Variants in LEPR observed in about 807,000 individuals in gnomAD.
LEPR encodes the protein leptin receptor.
LEPR carries 56 observed loss-of-function variants against 114.7 expected under a neutral mutation model. The ratio of observed to expected loss-of-function variants is 0.49; its 90% confidence interval spans 0.39 to 0.61. The LOEUF (loss-of-function observed/expected upper bound fraction) is 0.61, where lower values mean the gene tolerates loss of function less well. Ranked by LOEUF, LEPR falls within the 20% of genes least tolerant of loss-of-function variation. The probability of loss-of-function intolerance (pLI) is 0.00; values close to 1 mark genes in which losing one functional copy is unlikely to be tolerated. For synonymous variants in LEPR, 443 were observed against 461.4 expected, an observed-to-expected ratio of 0.96 and a Z score of 0.51; for missense variants, 1,202 against 1,352.9, an observed-to-expected ratio of 0.89 and a Z score of 1.75.
At chr1:65,622,075 G>A (rs1422838368) in intron 18 of LEPR, among the ~76,000 whole-genome samples, 2 of 152,092 alleles carry the variant, frequency 1.3e-5, no homozygotes, top group East Asian at 1.9e-4. Context: ...TTAATATGAG[G>A]TGCTTGTCCA....
chr1:65,431,840 A>G (rs1324062719), intron 2 of LEPR: 4 of 1,613,922 alleles, frequency 2.5e-6, no homozygotes, highest in African/African-American at 2.7e-5. Flanking sequence ...TTGGCAGGCA[A>G]TGCAGTCATT....
At chr1:65,569,949 CCAT>C (rs36085219) in intron 3 of LEPR, among the ~76,000 whole-genome samples, 31,600 of 151,728 alleles carry the variant, frequency 0.21, 3,518 homozygotes, top group South Asian at 0.29. Flanking sequence ...GATCATCAAG[CCAT>C]CATCATGTTG....
chr1:65,483,720 A>C (rs1647332582), intron 2 of LEPR, among the ~76,000 whole-genome samples: 1 of 152,060 alleles, frequency 6.6e-6, no homozygotes. Flanking sequence ...TATATTTGCC[A>C]TTCCCTCTTA....
intron 2 of LEPR, among the ~76,000 whole-genome samples, chr1:65,456,765 C>T (rs906462486): frequency 1.3e-5 from 2 of 152,190 alleles, no homozygotes; most frequent in Non-Finnish European, 2.9e-5. Context: ...CTCCAACAGT[C>T]TCTGTCTTTG....
In LEPR at chr1:65,480,180, T is replaced by G. The variant is rs527346148; in HGVS notation, c.-21+54802T>G. On this transcript the variant is annotated intron_variant, in intron 2 of 19. Coordinates refer to ENST00000349533, the MANE Select transcript of LEPR (RefSeq NM_002303.6). ...GAAAACCTGGAGCTTTAATAGGTCTTGCCTTGTTCAAGAAGTAGAGAAGAA... is the reference window on the plus strand; with the variant it reads ...GAAAACCTGGAGCTTTAATAGGTCTGGCCTTGTTCAAGAAGTAGAGAAGAA... 3.3e-5 allele frequency among the ~76,000 whole-genome samples: 5 copies of G among 152,190 alleles called. No homozygotes were observed. In the South Asian group the frequency reaches 1.0e-3, roughly 32 times the overall value.
chr1:65,600,208 G>A (rs1048829954), intron 8 of LEPR, among the ~76,000 whole-genome samples: 13 of 152,074 alleles, frequency 8.5e-5, no homozygotes, highest in African/African-American at 2.9e-4. Flanking sequence ...GTTAAGATAG[G>A]TTAATGTACT....
At chr1:65,454,462 AT>A (rs1469977175) in intron 2 of LEPR, among the ~76,000 whole-genome samples, 6 of 152,094 alleles carry the variant, frequency 3.9e-5, no homozygotes, top group Middle Eastern at 3.4e-3. Flanking sequence ...TCAGGAGCTC[AT>A]TTAGGGCAGG....
rs769037789 is a variant in LEPR at position 65,601,573 on chromosome 1, T to C, written c.1176T>C (p.Thr392=). The change falls in exon 9 of 20, where the codon ACT becomes ACC. Residue 392 remains threonine, a synonymous_variant. Transcript: ENST00000349533. The part of the protein sequence containing the change: ...DVVSDHVSKV[T]FFNLNETKPR... Reference sequence around the variant, plus strand: ...TGAGTGATCATGTTAGCAAAGTTACTTTTTTCAATCTGAATGAAACCAAAC... The same window carrying C: ...TGAGTGATCATGTTAGCAAAGTTACCTTTTTCAATCTGAATGAAACCAAAC... 3 of 1,613,694 alleles carry C rather than the reference T, an allele frequency of 1.9e-6. No individual in the cohort carries two copies. In the East Asian group the frequency reaches 6.7e-5, roughly 36 times the overall value.
chr1:65,572,290 GTT>G (rs747467075), intron 4 of LEPR, 34 bp from the exon 5 acceptor site: 44,099 of 758,138 alleles, frequency 0.058, no homozygotes, highest in East Asian at 0.075. Flanking sequence ...TCATGTAGTT[GTT>G]TTTTTTTTTT....
At chr1:65,618,253 G>A in intron 16 of LEPR, 107 bp downstream of exon 16, 1 of 938,036 alleles carries the variant, frequency 1.1e-6, no homozygotes, top group African/African-American at 1.7e-5. Flanking sequence ...AAATATAGAG[G>A]ATACTACCAT....
chr1:65,488,216 C>CTTTCTT (rs1557620258), intron 2 of LEPR, among the ~76,000 whole-genome samples: 74 of 39,968 alleles, frequency 1.9e-3, no homozygotes, highest in African/African-American at 8.0e-3. Context: ...TTCTTTCTCT[C>CTTTCTT]TCTCTCTCTC....
chr1:65,515,963 T>C (rs1273427812), intron 2 of LEPR, among the ~76,000 whole-genome samples: 1 of 152,240 alleles, frequency 6.6e-6, no homozygotes, highest in African/African-American at 2.4e-5. Context: ...CCTGATTTGT[T>C]GTTCAATTTC....
At chr1:65,430,147 T>C in intron 2 of LEPR, 2 of 1,051,274 alleles carry the variant, frequency 1.9e-6, no homozygotes, top group Non-Finnish European at 2.6e-6. Flanking sequence ...TTAGGCTTTA[T>C]ACTCAAGGCC....
intron 5 of LEPR, chr1:65,577,881 G>A (rs9659701): frequency 0.65 from 97,816 of 150,128 alleles, 32,756 homozygotes; most frequent in East Asian, 0.93. Flanking sequence ...ACATAGGTAT[G>A]CGTGTGCCAT....
intron 2 of LEPR, among the ~76,000 whole-genome samples, chr1:65,486,052 C>T (rs1272761739): frequency 6.6e-6 from 1 of 152,134 alleles, no homozygotes; most frequent in South Asian, 2.1e-4. Flanking sequence ...TAGTTATCTC[C>T]ACTTGCTGTA....
chr1:65,584,224 A>G (rs1655176768), intron 5 of LEPR, among the ~76,000 whole-genome samples: 1 of 152,010 alleles, frequency 6.6e-6, no homozygotes, highest in South Asian at 2.1e-4. Context: ...TTCCTGATAT[A>G]ACACTGGAAT....
chr1:65,471,783 A>T (rs1210337771), intron 2 of LEPR, among the ~76,000 whole-genome samples: 1 of 152,204 alleles, frequency 6.6e-6, no homozygotes, highest in African/African-American at 2.4e-5. Context: ...GAAGTGATTT[A>T]CAGGCAGGAG....
At chr1:65,585,314 A>G (rs7535099) in intron 5 of LEPR, among the ~76,000 whole-genome samples, 34,511 of 151,934 alleles carry the variant, frequency 0.23, 4,229 homozygotes, top group South Asian at 0.28. Flanking sequence ...TTACAATCAG[A>G]AAATTAGGTG....
At chr1:65,449,031 T>G (rs2100314526) in intron 2 of LEPR, among the ~76,000 whole-genome samples, 1 of 152,254 alleles carries the variant, frequency 6.6e-6, no homozygotes, top group African/African-American at 2.4e-5. Flanking sequence ...GTAGCTGGGA[T>G]TACAGGTGCC....
Sources: gnomAD v4.1 joint callset for allele counts (sites outside exome capture counted in the v4.1 genomes callset) on GRCh38, gnomAD v4.1.1 for gene constraint, MANE v1.5 for transcripts, NCBI Gene and HGNC (gene_info 2026-07-23, HGNC 2026-07-21) for gene names.